Variants in KDM5B observed in about 807,000 individuals in gnomAD.
KDM5B encodes lysine-specific demethylase 5B.
KDM5B carries 144 observed loss-of-function variants against 193.4 expected under a neutral mutation model. The ratio of observed to expected loss-of-function variants is 0.74; its 90% CI spans 0.65 to 0.86. The LOEUF is 0.86. Ranked by LOEUF, KDM5B falls within the 40% of genes least tolerant of loss-of-function variation. The probability of loss-of-function intolerance (pLI) is 0.00; values close to 1 mark genes in which losing one functional copy is unlikely to be tolerated. For synonymous variants in KDM5B, 668 were observed against 682.6 expected (o/e 0.98, Z 0.33); for missense variants, 1,833 against 1,886.9 (o/e 0.97, Z 0.53).
intron 1 of KDM5B, among the ~76,000 whole-genome samples, chr1:202,794,682 A>G (rs901116126): frequency 6.6e-6 from 1 of 152,212 alleles, no homozygotes; most frequent in Non-Finnish European, 1.5e-5. Context: ...GACTGATTCA[A>G]GACCAAAAAA....
intron 11 of KDM5B, among the ~76,000 whole-genome samples, chr1:202,753,521 G>A (rs1655879404): frequency 1.4e-5 from 2 of 143,870 alleles, no homozygotes; most frequent in South Asian, 4.6e-4. Flanking sequence ...GGAATGTGAT[G>A]TGAACATATG....
chr1:202,767,267 G>T (rs1215142027), intron 4 of KDM5B: 18 of 1,605,610 alleles, frequency 1.1e-5, no homozygotes, highest in South Asian at 2.2e-5. Context: ...ACAAGGAAGG[G>T]TATAGCAAAC....
chr1:202,740,588 C>T (rs1655293317), intron 20 of KDM5B, 86 bp downstream of exon 20: 1 of 1,261,176 alleles, frequency 7.9e-7, no homozygotes, highest in Non-Finnish European at 1.1e-6. Context: ...CGGGGGCTGA[C>T]CCCCCCACCT....
At chr1:202,729,370 A>T (rs1160264966) in intron 26 of KDM5B, 197 bp from the exon 27 acceptor site, 1 of 644,918 alleles carries the variant, frequency 1.6e-6, no homozygotes, top group Non-Finnish European at 2.7e-6. Flanking sequence ...TCATTCTTCA[A>T]GTCGTGTCTG....
intron 26 of KDM5B, chr1:202,729,462 G>C (rs376221154): frequency 5.1e-6 from 3 of 588,536 alleles, no homozygotes; most frequent in African/African-American, 1.9e-5. Flanking sequence ...TCTTAGCGCC[G>C]GGAAGGTGAA....
intron 1 of KDM5B, among the ~76,000 whole-genome samples, chr1:202,804,062 C>T (rs1200837072): frequency 1.3e-5 from 2 of 151,400 alleles, no homozygotes; most frequent in Admixed American, 1.3e-4. Flanking sequence ...TACACATGTA[C>T]CCTAGAACTT....
At chr1:202,771,221 G>C (rs910644929) in intron 4 of KDM5B, among the ~76,000 whole-genome samples, 1 of 152,002 alleles carries the variant, frequency 6.6e-6, no homozygotes, top group Non-Finnish European at 1.5e-5. Context: ...TTTTATGTTT[G>C]TTTATTTATT....
chr1:202,775,764 G>A (rs1294306738), intron 2 of KDM5B, among the ~76,000 whole-genome samples: 3 of 142,040 alleles, frequency 2.1e-5, no homozygotes, highest in African/African-American at 7.9e-5. Flanking sequence ...GCCGAGGCAG[G>A]AGAATCACTT....
intron 14 of KDM5B, among the ~76,000 whole-genome samples, chr1:202,748,186 A>T (rs1426349317): frequency 6.6e-6 from 1 of 152,224 alleles, no homozygotes; most frequent in Non-Finnish European, 1.5e-5. Context: ...ATGCTGCTGG[A>T]AGAACTAGAT....
rs114240603 is a variant in KDM5B, at chr1:202,738,950, T to C, written c.3084+1724A>G. On this transcript the variant is annotated intron_variant, in intron 20 of 26. Transcript: ENST00000367265. ...CACAAATACTTGGTGGAAATGACTT[T>C]GGATACTTTGGATAATTACTTTGGA... is the stretch of plus-strand genomic sequence containing the variant. Among the ~76,000 whole-genome samples, 1,180 of 152,348 alleles carry C rather than the reference T, an allele frequency of 7.7e-3. 18 individuals are homozygous for C. The highest frequency in any genetic ancestry group is 0.027 in the African/African-American group (1,115 of 41,584).
chr1:202,733,906 C>T lies in KDM5B; in HGVS notation c.3424-20G>A. ...TGCCATCTGAAAAAGAGTTAACAAT[C>T]AAGGATGATGTCCGAGATGGCTTGG... is the stretch of plus-strand genomic sequence containing the variant. On this transcript the variant is annotated intron_variant, in intron 22 of 26. Transcript: ENST00000367265. 1 of 1,591,048 alleles carries T rather than the reference C, an allele frequency of 6.3e-7. No individual in the cohort carries two copies. Among genetic ancestry groups the T allele is most frequent in the Non-Finnish European group, 8.6e-7 (1 of 1,168,706 alleles).
At chr1:202,760,349 A>G (rs896015035) in intron 8 of KDM5B, 66 bp downstream of exon 8, 5 of 1,067,150 alleles carry the variant, frequency 4.7e-6, no homozygotes, top group East Asian at 2.7e-5. Flanking sequence ...AAAAAATAAA[A>G]CTCAAAGGCA....
chr1:202,792,958 T>C (rs955819736), intron 1 of KDM5B, among the ~76,000 whole-genome samples: 2 of 150,108 alleles, frequency 1.3e-5, no homozygotes, highest in African/African-American at 4.9e-5. Flanking sequence ...GACCGTGCCA[T>C]TGCACTCCAA....
chr1:202,759,562 A>G (rs538674620), intron 8 of KDM5B, among the ~76,000 whole-genome samples: 2 of 152,186 alleles, frequency 1.3e-5, no homozygotes, highest in African/African-American at 4.8e-5. Context: ...AAAAAAAAAA[A>G]AAAAAAATCC....
intron 1 of KDM5B, among the ~76,000 whole-genome samples, chr1:202,798,819 C>T (rs74757399): frequency 0.017 from 2,610 of 152,080 alleles, 79 homozygotes; most frequent in African/African-American, 0.06. Flanking sequence ...GCCAGGAGTT[C>T]GAACCAGCCT....
At position 202,727,345 on chromosome 1, in the gene KDM5B, C is replaced by A. The variant is rs1428780740; in HGVS notation, c.*1691G>T. 6.6e-6 allele frequency: 1 copy of A among 152,346 alleles called. No individual in the cohort carries two copies. The allele number at this position is 152,346 out of a possible 1,614,324, so 9.4% of individuals were successfully genotyped here. ...CTATTCTTCTCTATTGGCCCCAGAA[C>A]CACCATCAGACGAAGAGAAACATCA... On this transcript the variant is annotated 3_prime_UTR_variant, in exon 27 of 27. Transcript: ENST00000367265.
intron 1 of KDM5B, among the ~76,000 whole-genome samples, chr1:202,781,401 G>A (rs1007150726): frequency 5.9e-5 from 9 of 152,164 alleles, no homozygotes; most frequent in Non-Finnish European, 1.5e-5. Context: ...AAGCTAAAAA[G>A]CAAAGGTAAT....
intron 5 of KDM5B, among the ~76,000 whole-genome samples, chr1:202,765,360 T>C (rs938603304): frequency 8.5e-5 from 13 of 152,204 alleles, no homozygotes; most frequent in African/African-American, 2.7e-4. Context: ...AATAAAACCA[T>C]TTTTTGTGGT....
intron 12 of KDM5B, among the ~76,000 whole-genome samples, chr1:202,751,630 C>T (rs1009989918): frequency 2.0e-5 from 3 of 152,272 alleles, no homozygotes; most frequent in Non-Finnish European, 4.4e-5. Flanking sequence ...TTTAAGAGCC[C>T]TTTCTGATTC....
Sources: gnomAD v4.1 joint callset for allele counts (sites outside exome capture counted in the v4.1 genomes callset) on GRCh38, gnomAD v4.1.1 for gene constraint, MANE v1.5 for transcripts, NCBI Gene and HGNC (gene_info 2026-07-23, HGNC 2026-07-21) for gene names.